Variants in ERC2 observed in about 807,000 individuals in gnomAD.
The protein encoded by ERC2 is ERC protein 2.
In ERC2, 42 loss-of-function variants were observed where a neutral mutation model predicts 114.8. The ratio of observed to expected loss-of-function variants is 0.37; its 90% CI spans 0.29 to 0.47. The LOEUF (loss-of-function observed/expected upper bound fraction) is 0.47, where lower values mean the gene tolerates loss of function less well. Ranked by LOEUF, ERC2 falls within the 20% of genes least tolerant of loss-of-function variation. ERC2 has a pLI of 0.99. For synonymous variants in ERC2, 454 were observed against 425.5 expected, an observed-to-expected ratio of 1.07 and a Z score of -0.82; for missense variants, 939 against 1,150.7, an observed-to-expected ratio of 0.82 and a Z score of 2.66.
intron 17 of ERC2, among the ~76,000 whole-genome samples, chr3:55,652,595 C>T (rs375191703): frequency 3.3e-5 from 5 of 152,084 alleles, no homozygotes; most frequent in African/African-American, 4.8e-5. Flanking sequence ...GCACGTTGGC[C>T]GGGTGAGGTG....
At chr3:55,703,709 C>T (rs992857214) in intron 15 of ERC2, among the ~76,000 whole-genome samples, 3 of 152,218 alleles carry the variant, frequency 2.0e-5, no homozygotes, top group African/African-American at 7.2e-5. Context: ...GGAGAGGGCA[C>T]ACAGGCTACT....
intron 17 of ERC2, among the ~76,000 whole-genome samples, chr3:55,515,638 T>A (rs2052441794): frequency 6.6e-6 from 1 of 151,888 alleles, no homozygotes; most frequent in Non-Finnish European, 1.5e-5. Flanking sequence ...GCTATTTTCT[T>A]TGTGGGGAGA....
chr3:55,584,741 G>A lies in ERC2; in HGVS notation c.*40-73465C>T, dbSNP rs372239543. Among the ~76,000 whole-genome samples, 3 of 152,288 alleles carry A rather than the reference G, an allele frequency of 2.0e-5. No individual in the cohort carries two copies. The East Asian group carries it at 5.8e-4, about 29-fold the overall frequency. Reference sequence around the variant, plus strand: ...ACGGTGGGGAGAGAAAGATGTGTGTGGGCAAGGATAACATAAGACAGAGAG... The same window carrying A: ...ACGGTGGGGAGAGAAAGATGTGTGTAGGCAAGGATAACATAAGACAGAGAG... On this transcript the variant is annotated intron_variant, in intron 17 of 17. Coordinates refer to ENST00000288221, the MANE Select transcript of ERC2 (RefSeq NM_015576.3).
intron 17 of ERC2, among the ~76,000 whole-genome samples, chr3:55,603,459 C>T (rs1056871556): frequency 2.0e-5 from 3 of 151,916 alleles, no homozygotes; most frequent in African/African-American, 4.8e-5. Context: ...GGTGAAAACC[C>T]ATCTGTACTA....
chr3:56,354,197 C>T (rs2058658681), intron 2 of ERC2, among the ~76,000 whole-genome samples: 1 of 152,254 alleles, frequency 6.6e-6, no homozygotes, highest in Non-Finnish European at 1.5e-5. Context: ...TATCTACAAA[C>T]ATTTGCAAAA....
chr3:55,868,889 T>C (rs2062443769), intron 14 of ERC2, among the ~76,000 whole-genome samples: 1 of 152,246 alleles, frequency 6.6e-6, no homozygotes. Flanking sequence ...CTTTTAGTTG[T>C]ATTAAAAAGC....
chr3:55,895,258 G>A lies in ERC2; in HGVS notation c.2404-6709C>T, dbSNP rs555294983. On this transcript the variant is annotated intron_variant, in intron 13 of 17. Transcript: ENST00000288221. ...AAAATGTTGATGCCGTGGTCACACT[G>A]CTCCTAATTAAATCAAAATATTTGA... Among the ~76,000 whole-genome samples, 3 of 152,326 alleles carry A rather than the reference G, an allele frequency of 2.0e-5. No homozygotes were observed. The South Asian group carries it at 6.2e-4, about 32-fold the overall frequency.
At chr3:56,436,555 C>T (rs1384675238) in intron 1 of ERC2, among the ~76,000 whole-genome samples, 1 of 152,164 alleles carries the variant, frequency 6.6e-6, no homozygotes, top group East Asian at 1.9e-4. Flanking sequence ...ACCCCCTACT[C>T]ACAGTTCACT....
chr3:56,032,885 AAG>A (rs1193357850), intron 7 of ERC2, among the ~76,000 whole-genome samples: 7 of 79,172 alleles, frequency 8.8e-5, no homozygotes, highest in Admixed American at 1.6e-4. Flanking sequence ...GAAAGAAAGA[AAG>A]AGAGAGAGAG....
At chr3:55,946,661 AT>A (rs2067143503) in intron 13 of ERC2, among the ~76,000 whole-genome samples, 1 of 152,142 alleles carries the variant, frequency 6.6e-6, no homozygotes, top group Admixed American at 6.5e-5. Flanking sequence ...GGTCAGAGAG[AT>A]TCTCTGCCAT....
At chr3:55,785,122 T>G (rs1227027935) in intron 14 of ERC2, among the ~76,000 whole-genome samples, 3 of 152,116 alleles carry the variant, frequency 2.0e-5, no homozygotes, top group Non-Finnish European at 1.5e-5. Context: ...GATATAGGCC[T>G]TGAAGGACAT....
intron 17 of ERC2, among the ~76,000 whole-genome samples, chr3:55,566,770 C>T (rs2056403624): frequency 6.6e-6 from 1 of 152,018 alleles, no homozygotes; most frequent in South Asian, 2.1e-4. Flanking sequence ...GCAATCTTGG[C>T]TCACTGAAAC....
chr3:55,931,167 G>T (rs1386639341), intron 13 of ERC2, among the ~76,000 whole-genome samples: 1 of 152,190 alleles, frequency 6.6e-6, no homozygotes, highest in Non-Finnish European at 1.5e-5. Flanking sequence ...GTGTAAATTA[G>T]TTCAACCATT....
chr3:56,291,822 TAAAAAA>T (rs879824002), intron 3 of ERC2, among the ~76,000 whole-genome samples: 3 of 129,908 alleles, frequency 2.3e-5, no homozygotes, highest in Admixed American at 1.6e-4. Context: ...TTCTTTCTAC[TAAAAAA>T]AAAAAAAAAA....
intron 2 of ERC2, among the ~76,000 whole-genome samples, chr3:56,304,014 T>A (rs765413872): frequency 4.6e-5 from 7 of 152,110 alleles, no homozygotes; most frequent in Non-Finnish European, 1.0e-4. Context: ...TTTGAAATGT[T>A]TAAGAAAATA....
In ERC2 at chr3:55,512,042, T is replaced by C. The variant is rs569327406; in HGVS notation, c.*40-766A>G. ...TTCCAGCCACATGAGCTCAGCTATC[T>C]GGGAAATATGGCAGGGAGAGGAAAG... is the stretch of plus-strand genomic sequence containing the variant. On this transcript the variant is annotated intron_variant, in intron 17 of 17. Transcript: ENST00000288221. Among the ~76,000 whole-genome samples the C allele has an allele frequency of 2.0e-4, 30 of 152,334 alleles. 1 individual carries two copies. The highest frequency in any genetic ancestry group is 3.7e-4 in the Non-Finnish European group (25 of 68,030).
At chr3:55,778,826 AAAC>A (rs2068799346) in intron 14 of ERC2, among the ~76,000 whole-genome samples, 1 of 152,196 alleles carries the variant, frequency 6.6e-6, no homozygotes, top group South Asian at 2.1e-4. Flanking sequence ...ATGAAAAGTA[AAAC>A]AACAACAAGT....
At chr3:55,908,913 T>C (rs1445018601) in intron 13 of ERC2, among the ~76,000 whole-genome samples, 1 of 152,126 alleles carries the variant, frequency 6.6e-6, no homozygotes, top group Admixed American at 6.5e-5. Context: ...CTGTGGGCAA[T>C]AAGTATAGAG....
intron 2 of ERC2, among the ~76,000 whole-genome samples, chr3:56,377,852 C>CAA (rs113903383): frequency 7.5e-6 from 1 of 133,866 alleles, no homozygotes; most frequent in African/African-American, 2.7e-5. Flanking sequence ...ACCCTATCTC[C>CAA]AAAAAAAAAA....
Sources: allele counts gnomAD v4.1 joint callset (sites outside exome capture counted in the v4.1 genomes callset), GRCh38; gene constraint gnomAD v4.1.1; transcripts MANE v1.5; gene names NCBI Gene and HGNC (gene_info 2026-07-23, HGNC 2026-07-21).